MIGA1: variants seen among roughly 807,000 people sequenced by gnomAD.
The protein encoded by MIGA1 is mitoguardin 1.
MIGA1 carries 58 observed loss-of-function variants against 82.0 expected under a neutral mutation model. That is an observed-to-expected ratio of 0.71 (90% confidence interval 0.57 to 0.88). The LOEUF is 0.88. Among genes scored for constraint, MIGA1 ranks in the 40% least tolerant of loss-of-function variants. The pLI is 0.00. For synonymous variants in MIGA1, 249 were observed against 253.6 expected, an observed-to-expected ratio of 0.98 and a Z score of 0.17; for missense variants, 751 against 749.1, an observed-to-expected ratio of 1.00 and a Z score of -0.03.
At chr1:77,786,952 A>G (rs1682188828) in intron 2 of MIGA1, among the ~76,000 whole-genome samples, 1 of 152,214 alleles carries the variant, frequency 6.6e-6, no homozygotes, top group African/African-American at 2.4e-5. Flanking sequence ...CTGCTGATAA[A>G]GACATACCTG....
At chr1:77,841,668 A>G (rs949219190) in intron 7 of MIGA1, among the ~76,000 whole-genome samples, 2 of 151,870 alleles carry the variant, frequency 1.3e-5, no homozygotes, top group African/African-American at 4.8e-5. Context: ...TAGAGGTAAT[A>G]AATTTTAATT....
intron 2 of MIGA1, among the ~76,000 whole-genome samples, chr1:77,796,219 C>T (rs1570929071): frequency 6.7e-6 from 1 of 150,328 alleles, no homozygotes; most frequent in Admixed American, 6.6e-5. Context: ...CCTGGGTTCA[C>T]GCCATTCTCC....
At chr1:77,868,446 C>G (rs1296365760) in intron 14 of MIGA1, 1 of 152,222 alleles carries the variant, frequency 6.6e-6, no homozygotes, top group Non-Finnish European at 1.5e-5. Flanking sequence ...AGGCTAATCT[C>G]AAACTCCCAG....
At chr1:77,797,914 C>G (rs911233468) in intron 2 of MIGA1, among the ~76,000 whole-genome samples, 2 of 152,126 alleles carry the variant, frequency 1.3e-5, no homozygotes, top group Non-Finnish European at 2.9e-5. Context: ...TTCTTCCTTT[C>G]TAATATGTAT....
chr1:77,830,571 C>T (rs1358437235), intron 7 of MIGA1, among the ~76,000 whole-genome samples: 1 of 152,066 alleles, frequency 6.6e-6, no homozygotes, highest in Non-Finnish European at 1.5e-5. Context: ...ATTCTTTCAT[C>T]CCTCTTCCGC....
intron 7 of MIGA1, among the ~76,000 whole-genome samples, chr1:77,819,218 C>T (rs938698567): frequency 6.6e-6 from 1 of 152,090 alleles, no homozygotes; most frequent in South Asian, 2.1e-4. Flanking sequence ...CAGGGTTACA[C>T]AGCTATTAAG....
intron 7 of MIGA1, among the ~76,000 whole-genome samples, chr1:77,817,397 A>C (rs981627729): frequency 6.6e-6 from 1 of 152,160 alleles, no homozygotes; most frequent in Non-Finnish European, 1.5e-5. Flanking sequence ...GGGACCCACA[A>C]TCAGTCCATG....
At position 77,804,547 on chromosome 1, in the gene MIGA1, T is replaced by TA. The variant is rs546614030; in HGVS notation, c.510+1149dup. Among the ~76,000 whole-genome samples the TA allele has an allele frequency of 1.9e-4, 28 of 150,604 alleles. No individual in the cohort carries two copies. The South Asian group carries it at 5.6e-3, about 30-fold the overall frequency. ...GGGCAACATAGAGAAACTTTGTCTC[T>TA]AAAAAAAATAATAATAAAATAAATG... is the stretch of plus-strand genomic sequence containing the variant. On this transcript the variant is annotated intron_variant, in intron 4 of 15. Transcript: ENST00000370791.
chr1:77,829,356 T>C (rs1438811462), intron 7 of MIGA1, among the ~76,000 whole-genome samples: 1 of 152,176 alleles, frequency 6.6e-6, no homozygotes, highest in Non-Finnish European at 1.5e-5. Flanking sequence ...GAGGCTGAGA[T>C]AGCAGGATCT....
chr1:77,795,040 T>G (rs2101725998), intron 2 of MIGA1, among the ~76,000 whole-genome samples: 1 of 152,068 alleles, frequency 6.6e-6, no homozygotes, highest in Non-Finnish European at 1.5e-5. Context: ...CTCGGCTCAC[T>G]GCAATCTCCA....
At position 77,811,745 on chromosome 1, in the gene MIGA1, C is replaced by T. The variant is rs201307396; in HGVS notation, c.638-1989C>T. 3,513 of 1,609,080 alleles carry T rather than the reference C, an allele frequency of 2.2e-3. 34 individuals carry two copies. Among genetic ancestry groups the T allele is most frequent in the Non-Finnish European group, 2.1e-3 (2,496 of 1,178,296 alleles). ...TCGGCGCCTCTCCTAAAACTGGCGCCCCAGCGCTGCAGCAGACTCCGGGTC... is the reference window on the plus strand; with the variant it reads ...TCGGCGCCTCTCCTAAAACTGGCGCTCCAGCGCTGCAGCAGACTCCGGGTC... On this transcript the variant is annotated intron_variant, in intron 5 of 15. Coordinates refer to ENST00000370791, the MANE Select transcript of MIGA1 (RefSeq NM_198549.4).
chr1:77,867,295 A>G (rs1183219637), intron 14 of MIGA1, among the ~76,000 whole-genome samples: 1 of 152,092 alleles, frequency 6.6e-6, no homozygotes, highest in Non-Finnish European at 1.5e-5. Context: ...TTATCTCTAA[A>G]AATAGAATAG....
chr1:77,844,489 T>C (rs1441520189), intron 8 of MIGA1, among the ~76,000 whole-genome samples: 1 of 152,182 alleles, frequency 6.6e-6, no homozygotes, highest in African/African-American at 2.4e-5. Flanking sequence ...AATCTGTGGA[T>C]AATTTATTTT....
At chr1:77,847,138 AT>A in intron 8 of MIGA1, 2 of 1,117,372 alleles carry the variant, frequency 1.8e-6, no homozygotes, top group South Asian at 2.5e-5. Flanking sequence ...GTATGGGTTT[AT>A]TTTGCCAAAG....
At chr1:77,836,699 G>A (rs1156534449) in intron 7 of MIGA1, among the ~76,000 whole-genome samples, 1 of 152,214 alleles carries the variant, frequency 6.6e-6, no homozygotes, top group Non-Finnish European at 1.5e-5. Context: ...TCAGGATCCA[G>A]GTGCTGGCTG....
chr1:77,820,787 A>G (rs1211396115), intron 7 of MIGA1, among the ~76,000 whole-genome samples: 1 of 152,220 alleles, frequency 6.6e-6, no homozygotes, highest in Non-Finnish European at 1.5e-5. Flanking sequence ...GGGAGGAAAG[A>G]GAAGTACCTT....
At chr1:77,837,386 T>C (rs969466878) in intron 7 of MIGA1, among the ~76,000 whole-genome samples, 1 of 152,160 alleles carries the variant, frequency 6.6e-6, no homozygotes, top group African/African-American at 2.4e-5. Flanking sequence ...CAGGGCTCCG[T>C]AGTTTATAGC....
At chr1:77,863,292 G>A (rs755558825) in intron 12 of MIGA1, among the ~76,000 whole-genome samples, 3 of 151,978 alleles carry the variant, frequency 2.0e-5, no homozygotes, top group Admixed American at 6.6e-5. Flanking sequence ...TATATTTCCC[G>A]ATTCCCTGCT....
intron 2 of MIGA1, among the ~76,000 whole-genome samples, chr1:77,797,612 T>A (rs1682714858): frequency 6.6e-6 from 1 of 152,186 alleles, no homozygotes; most frequent in Non-Finnish European, 1.5e-5. Context: ...ATATGATGTC[T>A]CTCTCCTTTT....
Sources: gnomAD v4.1 joint callset for allele counts (sites outside exome capture counted in the v4.1 genomes callset) on GRCh38, gnomAD v4.1.1 for gene constraint, MANE v1.5 for transcripts, NCBI Gene and HGNC (gene_info 2026-07-23, HGNC 2026-07-21) for gene names.